Variants in RBMS3 observed in about 807,000 individuals in gnomAD.
RBMS3 encodes the protein RNA binding motif single stranded interacting protein 3.
A neutral mutation model predicts 66.8 loss-of-function variants in RBMS3; 27 were observed. The ratio of observed to expected loss-of-function variants is 0.40; its 90% CI spans 0.30 to 0.56. The LOEUF is 0.56. Among genes scored for constraint, RBMS3 ranks in the 20% least tolerant of loss-of-function variants. RBMS3 has a pLI of 0.40. For synonymous variants in RBMS3, 188 were observed against 183.0 expected, an observed-to-expected ratio of 1.03 and a Z score of -0.22; for missense variants, 513 against 549.5, an observed-to-expected ratio of 0.93 and a Z score of 0.66.
intron 6 of RBMS3, among the ~76,000 whole-genome samples, chr3:29,857,742 T>G (rs1276364235): frequency 1.3e-5 from 2 of 152,062 alleles, no homozygotes; most frequent in African/African-American, 2.4e-5. Flanking sequence ...CAATGGTGAA[T>G]AGGGCCCAGC....
At chr3:29,783,400 T>A (rs749959344) in intron 6 of RBMS3, among the ~76,000 whole-genome samples, 10 of 152,158 alleles carry the variant, frequency 6.6e-5, no homozygotes, top group Admixed American at 2.0e-4. Context: ...ATTTTTAGCA[T>A]CCTTAAACAA....
intron 4 of RBMS3, among the ~76,000 whole-genome samples, chr3:29,680,530 A>ATT (rs950215872): frequency 1.7e-4 from 26 of 152,188 alleles, no homozygotes; most frequent in African/African-American, 6.3e-4. Flanking sequence ...ATATTTCTTG[A>ATT]TTTTAATTAG....
At chr3:29,539,864 G>T (rs956796062) in intron 3 of RBMS3, among the ~76,000 whole-genome samples, 3 of 152,088 alleles carry the variant, frequency 2.0e-5, no homozygotes, top group Admixed American at 6.6e-5. Flanking sequence ...GTTTACTTTG[G>T]ATTATTCACA....
intron 2 of RBMS3, among the ~76,000 whole-genome samples, chr3:29,436,080 T>C (rs1244307612): frequency 6.6e-6 from 1 of 152,234 alleles, no homozygotes; most frequent in African/African-American, 2.4e-5. Context: ...GTGACTTAGC[T>C]GTGTATTTTT....
chr3:29,943,235 A>C (rs554750782), intron 11 of RBMS3, among the ~76,000 whole-genome samples: 1 of 151,970 alleles, frequency 6.6e-6, no homozygotes, highest in Admixed American at 6.6e-5. Context: ...TATAAATGGA[A>C]TAAGAGTCAC....
At chr3:29,984,768 G>A (rs1242104794) in intron 12 of RBMS3, among the ~76,000 whole-genome samples, 1 of 152,128 alleles carries the variant, frequency 6.6e-6, no homozygotes, top group East Asian at 1.9e-4. Flanking sequence ...ATTGCTGCCT[G>A]TTCCTTCCTC....
At chr3:29,804,919 A>AAG (rs2057496757) in intron 6 of RBMS3, among the ~76,000 whole-genome samples, 1 of 113,536 alleles carries the variant, frequency 8.8e-6, no homozygotes. Flanking sequence ...ATCTGCGTGT[A>AAG]CGTGTGTGTG....
intron 4 of RBMS3, among the ~76,000 whole-genome samples, chr3:29,620,508 A>G (rs116231611): frequency 0.015 from 2,261 of 152,208 alleles, 49 homozygotes; most frequent in African/African-American, 0.043. Flanking sequence ...AACTCTTATG[A>G]CATGGGTCAC....
intron 4 of RBMS3, among the ~76,000 whole-genome samples, chr3:29,703,920 C>A (rs897269450): frequency 6.6e-5 from 10 of 152,164 alleles, no homozygotes; most frequent in Non-Finnish European, 5.9e-5. Flanking sequence ...GCACTCCCTC[C>A]TGTCAGATCA....
chr3:29,657,688 G>A (rs371136585), intron 4 of RBMS3, among the ~76,000 whole-genome samples: 2 of 152,290 alleles, frequency 1.3e-5, no homozygotes, highest in African/African-American at 4.8e-5. Flanking sequence ...TGAATATTGT[G>A]AAATTATGGA....
At chr3:29,779,052 T>G (rs2056526312) in intron 6 of RBMS3, among the ~76,000 whole-genome samples, 1 of 151,866 alleles carries the variant, frequency 6.6e-6, no homozygotes. Flanking sequence ...TGGTCAAAGA[T>G]TCCTCCTTGA....
chr3:29,989,825 C>T (rs1311518561), intron 13 of RBMS3, among the ~76,000 whole-genome samples: 1 of 152,134 alleles, frequency 6.6e-6, no homozygotes, highest in African/African-American at 2.4e-5. Context: ...TCAAAAAGCA[C>T]CTATGCGATA....
At chr3:29,556,976 C>A (rs76766243) in intron 3 of RBMS3, among the ~76,000 whole-genome samples, 9,519 of 152,198 alleles carry the variant, frequency 0.063, 329 homozygotes, top group South Asian at 0.14. Flanking sequence ...AGGCCAAAAC[C>A]ACCCTCCATG....
chr3:29,296,994 T>G (rs2033319481), intron 1 of RBMS3, among the ~76,000 whole-genome samples: 1 of 151,540 alleles, frequency 6.6e-6, no homozygotes, highest in African/African-American at 2.4e-5. Flanking sequence ...TAATATACAT[T>G]TAGTGAGAGC....
intron 12 of RBMS3, among the ~76,000 whole-genome samples, chr3:29,972,632 A>G (rs1697302359): frequency 6.6e-6 from 1 of 152,118 alleles, no homozygotes; most frequent in Non-Finnish European, 1.5e-5. Context: ...TTCAGAAAAC[A>G]TTAAGGAATG....
chr3:29,487,468 A>G (rs1255635662), intron 2 of RBMS3, among the ~76,000 whole-genome samples: 1 of 152,192 alleles, frequency 6.6e-6, no homozygotes, highest in Non-Finnish European at 1.5e-5. Context: ...CAATTTTCTC[A>G]GTGGAATTTT....
chr3:29,520,236 C>A (rs1339572095), intron 3 of RBMS3, among the ~76,000 whole-genome samples: 2 of 152,084 alleles, frequency 1.3e-5, no homozygotes, highest in Non-Finnish European at 2.9e-5. Flanking sequence ...GTTTTAAAAA[C>A]CTACTATTAA....
At chr3:29,671,629 G>A (rs2051004110) in intron 4 of RBMS3, among the ~76,000 whole-genome samples, 1 of 152,206 alleles carries the variant, frequency 6.6e-6, no homozygotes, top group African/African-American at 2.4e-5. Flanking sequence ...AGAACTACGT[G>A]ACACATGCAC....
chr3:29,567,149 C>T (rs189681648), intron 3 of RBMS3, among the ~76,000 whole-genome samples: 45 of 152,158 alleles, frequency 3.0e-4, no homozygotes, highest in African/African-American at 8.7e-4. Flanking sequence ...AGAGAAATCA[C>T]GTCTCATTTG....
Sources: allele counts gnomAD v4.1 joint callset (sites outside exome capture counted in the v4.1 genomes callset), GRCh38; gene constraint gnomAD v4.1.1; transcripts MANE v1.5; gene names NCBI Gene and HGNC (gene_info 2026-07-23, HGNC 2026-07-21).